Variants in CCSER1 observed in about 807,000 individuals in gnomAD.
The protein encoded by CCSER1 is coiled-coil serine rich protein 1, also known as serine-rich coiled-coil domain-containing protein 1.
A neutral mutation model predicts 82.0 loss-of-function variants in CCSER1; 41 were observed. The observed-to-expected ratio is 0.50, with a 90% CI of 0.39 to 0.65. CCSER1 has a LOEUF of 0.65. Ranked by LOEUF, CCSER1 falls within the 30% of genes least tolerant of loss-of-function variation. The pLI, the probability that CCSER1 is intolerant of heterozygous loss-of-function variation, is 0.00. For synonymous variants in CCSER1, 414 were observed against 383.9 expected (o/e 1.08, Z -0.92); for missense variants, 1,119 against 1,064.2 (o/e 1.05, Z -0.72).
chr4:90,605,015 G>A (rs1784482931), intron 5 of CCSER1, among the ~76,000 whole-genome samples: 1 of 152,094 alleles, frequency 6.6e-6, no homozygotes, highest in African/African-American at 2.4e-5. Context: ...TTCCACGTGT[G>A]GGAGGTTTGT....
At chr4:90,926,220 A>C (rs1729044809) in intron 9 of CCSER1, among the ~76,000 whole-genome samples, 1 of 152,034 alleles carries the variant, frequency 6.6e-6, no homozygotes, top group African/African-American at 2.4e-5. Context: ...AATATTTTAT[A>C]AACACATGTA....
At chr4:90,972,093 T>C (rs1735164925) in intron 9 of CCSER1, among the ~76,000 whole-genome samples, 1 of 151,792 alleles carries the variant, frequency 6.6e-6, no homozygotes, top group Non-Finnish European at 1.5e-5. Context: ...CAAAGGTTTC[T>C]ACTCTTACCA....
chr4:90,239,969 CTT>C (rs1411253335), intron 1 of CCSER1, among the ~76,000 whole-genome samples: 4 of 152,122 alleles, frequency 2.6e-5, no homozygotes, highest in South Asian at 2.1e-4. Flanking sequence ...AAAAGAGTAA[CTT>C]CTCTCTAAGA....
At chr4:90,287,341 A>T (rs1163298455) in intron 1 of CCSER1, among the ~76,000 whole-genome samples, 1 of 152,038 alleles carries the variant, frequency 6.6e-6, no homozygotes. Flanking sequence ...AATGATTGAA[A>T]CTACCTACAT....
intron 10 of CCSER1, among the ~76,000 whole-genome samples, chr4:91,245,727 G>A (rs770251194): frequency 1.8e-4 from 27 of 152,122 alleles, no homozygotes; most frequent in Admixed American, 3.3e-4. Context: ...ATGGAGTTTC[G>A]CTCTTGTTGC....
chr4:90,767,454 A>G (rs140806678), intron 7 of CCSER1, among the ~76,000 whole-genome samples: 1 of 152,294 alleles, frequency 6.6e-6, no homozygotes, highest in African/African-American at 2.4e-5. Flanking sequence ...ACTAGATATC[A>G]ATTGAATTCC....
At chr4:90,594,471 A>C (rs1030545036) in intron 5 of CCSER1, among the ~76,000 whole-genome samples, 1 of 152,132 alleles carries the variant, frequency 6.6e-6, no homozygotes. Context: ...TGTACCCAAC[A>C]TAAGTATGGA....
intron 10 of CCSER1, among the ~76,000 whole-genome samples, chr4:91,531,237 A>T (rs950426067): frequency 6.6e-6 from 1 of 152,166 alleles, no homozygotes. Flanking sequence ...ACATTGTTTA[A>T]AATTTAATAA....
At chr4:91,246,827 T>TACACACACACACACACACACACAC (rs34278711) in intron 10 of CCSER1, among the ~76,000 whole-genome samples, 1 of 144,084 alleles carries the variant, frequency 6.9e-6, no homozygotes, top group African/African-American at 2.6e-5. Context: ...CATACACACA[T>TACACACACACACACACACACACAC]ACACACACAC....
At chr4:90,686,857 T>TG (rs1734895465) in intron 6 of CCSER1, among the ~76,000 whole-genome samples, 1 of 152,168 alleles carries the variant, frequency 6.6e-6, no homozygotes. Flanking sequence ...GTCTGTTACT[T>TG]GTGGCAGCAT....
At chr4:90,997,357 C>T (rs902187384) in intron 9 of CCSER1, among the ~76,000 whole-genome samples, 1 of 152,186 alleles carries the variant, frequency 6.6e-6, no homozygotes, top group Non-Finnish European at 1.5e-5. Flanking sequence ...CTGACTCTGA[C>T]TGTCCTGCCT....
At chr4:91,512,861 G>T (rs1280415364) in intron 10 of CCSER1, among the ~76,000 whole-genome samples, 2 of 152,272 alleles carry the variant, frequency 1.3e-5, no homozygotes, top group South Asian at 4.1e-4. Flanking sequence ...GGAGCCTTTT[G>T]GTGGAGTCTT....
chr4:91,442,041 A>G (rs1490927792), intron 10 of CCSER1, among the ~76,000 whole-genome samples: 3 of 152,178 alleles, frequency 2.0e-5, no homozygotes, highest in Admixed American at 2.0e-4. Context: ...AAATGACCAT[A>G]CTGCCCAAGG....
intron 9 of CCSER1, among the ~76,000 whole-genome samples, chr4:91,080,737 C>A (rs188902413): frequency 4.6e-5 from 7 of 152,206 alleles, no homozygotes; most frequent in African/African-American, 7.2e-5. Flanking sequence ...AAGGGGATAT[C>A]ACCACCGATC....
chr4:91,294,860 T>C (rs1487798099), intron 10 of CCSER1, among the ~76,000 whole-genome samples: 1 of 151,974 alleles, frequency 6.6e-6, no homozygotes, highest in Non-Finnish European at 1.5e-5. Flanking sequence ...CTCCAAGTTG[T>C]ACATATATTT....
intron 10 of CCSER1, among the ~76,000 whole-genome samples, chr4:91,575,784 A>G (rs1763422995): frequency 1.3e-5 from 2 of 152,056 alleles, no homozygotes; most frequent in Admixed American, 6.6e-5. Flanking sequence ...AGGGAATTGC[A>G]AATTAAAACA....
At chr4:91,208,071 G>A (rs1365761891) in intron 10 of CCSER1, among the ~76,000 whole-genome samples, 1 of 151,750 alleles carries the variant, frequency 6.6e-6, no homozygotes, top group Non-Finnish European at 1.5e-5. Context: ...CTATTTAATG[G>A]GGTTGTGTGT....
chr4:91,405,767 C>T (rs2149365448), intron 10 of CCSER1, among the ~76,000 whole-genome samples: 1 of 152,258 alleles, frequency 6.6e-6, no homozygotes, highest in African/African-American at 2.4e-5. Context: ...TTTCCAGGTA[C>T]CATCTGTCAT....
chr4:90,970,256 C>CA (rs1348250322), intron 9 of CCSER1, among the ~76,000 whole-genome samples: 2 of 151,540 alleles, frequency 1.3e-5, no homozygotes, highest in African/African-American at 4.9e-5. Flanking sequence ...TGAAGGAATA[C>CA]AAAAAATATG....
Sources: allele counts gnomAD v4.1 joint callset (sites outside exome capture counted in the v4.1 genomes callset), GRCh38; gene constraint gnomAD v4.1.1; transcripts MANE v1.5; gene names NCBI Gene and HGNC (gene_info 2026-07-23, HGNC 2026-07-21).